Variants in ABT1 observed in about 807,000 individuals in gnomAD.
ABT1 encodes activator of basal transcription 1.
In ABT1, 13 loss-of-function variants were observed where a neutral mutation model predicts 14.0. That is an observed-to-expected ratio of 0.93 (90% CI 0.61 to 1.48). ABT1 has a LOEUF of 1.48. ABT1 is among the 40% of genes most tolerant of loss of function. The pLI is 0.00. For synonymous variants in ABT1, 165 were observed against 144.6 expected, an observed-to-expected ratio of 1.14 and a Z score of -1.01; for missense variants, 430 against 380.0, an observed-to-expected ratio of 1.13 and a Z score of -1.09.
Position 26,598,561 on chromosome 6 carries a change from C to T in ABT1, c.735C>T (p.Ser245=). Residue 245 remains serine (S), a synonymous_variant, in exon 3 of 3, where the codon TCC becomes TCT. Coordinates refer to ENST00000274849, the MANE Select transcript of ABT1 (RefSeq NM_013375.4). ...CAACTGCCCAGGACAAGGCCCGCTCCAACAAAGGGCTCCTGGCCAGGATCT... is the reference window on the plus strand; with the variant it reads ...CAACTGCCCAGGACAAGGCCCGCTCTAACAAAGGGCTCCTGGCCAGGATCT... ...RLATAQDKAR[S]NKGLLARIFG... 6.2e-7 allele frequency: 1 copy of T among 1,609,354 alleles called. No homozygotes were observed.
Position 26,597,169 on chromosome 6 carries a change from C to T in ABT1, c.187C>T (p.Arg63Cys). ...GCCGCGCTTCCGGCCCCTGCACGTC[C>T]GCAACCTTCTCAGCGCCTATGGCGA... ...IPPRFRPLHV[R>C]NLLSAYGEVG... Residue 63 changes from arginine to cysteine, a missense_variant, in exon 1 of 3, where the codon CGC (arginine) becomes TGC (cysteine). Physicochemically the swap from Arg to Cys is radical, Grantham distance 180. Coordinates refer to ENST00000274849, the MANE Select transcript of ABT1 (RefSeq NM_013375.4). The T allele has an allele frequency of 6.2e-7, 1 of 1,614,260 alleles. No individual in the cohort carries two copies. The highest frequency in any genetic ancestry group is 8.5e-7 in the Non-Finnish European group (1 of 1,180,054).
At chr6:26,597,309 G>T in intron 1 of ABT1, 86 bp downstream of exon 1, 1 of 1,553,474 alleles carries the variant, frequency 6.4e-7, no homozygotes, top group South Asian at 1.2e-5. Context: ...GCTTCGCTGC[G>T]CGAGGCTGAG....
At chr6:26,597,485 C>T (rs1197302513) in intron 1 of ABT1, among the ~76,000 whole-genome samples, 1 of 152,154 alleles carries the variant, frequency 6.6e-6, no homozygotes, top group Non-Finnish European at 1.5e-5. Flanking sequence ...TATTTGTGTT[C>T]TTATCCCGGC....
chr6:26,597,947 C>G lies in ABT1; in HGVS notation c.275C>G (p.Ala92Gly), dbSNP rs374428829. The G allele has an allele frequency of 1.9e-6, 3 of 1,613,222 alleles. No homozygotes were observed. Among genetic ancestry groups the G allele is most frequent in the African/African-American group, 2.7e-5 (2 of 74,908 alleles). The change falls in exon 2 of 3, where the codon GCA (alanine) becomes GGA (glycine). Residue 92 changes from alanine to glycine, a missense_variant. Physicochemically the swap from Ala to Gly is moderately conservative, Grantham distance 60. Coordinates refer to ENST00000274849, the MANE Select transcript of ABT1 (RefSeq NM_013375.4). ...GTGAGACGCAAGAAGAAGGCAGCAG[C>G]AGCTGCCGGAGGAAAAAAGCGGTCC... ...RFVRRKKKAAAAAGGKKRSYT... is the reference protein window; with the variant it reads ...RFVRRKKKAAGAAGGKKRSYT...
chr6:26,597,308 C>A, intron 1 of ABT1, 85 bp downstream of exon 1: 2 of 1,546,044 alleles, frequency 1.3e-6, no homozygotes, highest in Non-Finnish European at 1.7e-6. Flanking sequence ...TGCTTCGCTG[C>A]GCGAGGCTGA....
rs1296916378 is a variant in ABT1, at chr6:26,598,390, T to C, written c.564T>C (p.Ser188=). ...GTGAGACCGACTTCTATCTTCAAAGTGTGGAACGGGGACAACGCTTTCTTG... is the reference window on the plus strand; with the variant it reads ...GTGAGACCGACTTCTATCTTCAAAGCGTGGAACGGGGACAACGCTTTCTTG... The part of the protein sequence containing the change: ...AKRETDFYLQ[S]VERGQRFLAA... The change falls in exon 3 of 3, where the codon AGT becomes AGC. Residue 188 remains serine (S), a synonymous_variant. Transcript: ENST00000274849. 1 of 1,614,252 alleles carries C rather than the reference T, an allele frequency of 6.2e-7. No homozygotes were observed. Among genetic ancestry groups the C allele is most frequent in the East Asian group, 2.2e-5 (1 of 44,882 alleles).
rs1035762029 is a variant in ABT1, at chr6:26,598,621, A to T, written c.795A>T (p.Gly265=). The T allele has an allele frequency of 1.3e-5, 20 of 1,573,798 alleles. No individual in the cohort carries two copies. Among genetic ancestry groups the T allele is most frequent in the African/African-American group, 4.1e-5 (3 of 73,766 alleles). The change falls in exon 3 of 3, where the codon GGA becomes GGT. Residue 265 remains glycine (G), a synonymous_variant. Transcript: ENST00000274849. The part of the protein sequence containing the change: ...GAPPPSESME[G]PSLVRDS ...CGCCACCCTCAGAGAGCATGGAGGGACCTTCCCTTGTCAGGGACTCCTGAG... is the reference window on the plus strand; with the variant it reads ...CGCCACCCTCAGAGAGCATGGAGGGTCCTTCCCTTGTCAGGGACTCCTGAG...
chr6:26,598,320 A>G lies in ABT1; in HGVS notation c.494A>G (p.Gln165Arg), dbSNP rs1764931255. ...HLSEHLAFERQVRRQRLRAEV... is the reference protein window; with the variant it reads ...HLSEHLAFERRVRRQRLRAEV... Reference sequence around the variant, plus strand: ...AGCGAGCACCTCGCCTTTGAGCGCCAGGTGCGCAGGCAGCGCTTGAGAGCG... The same window carrying G: ...AGCGAGCACCTCGCCTTTGAGCGCCGGGTGCGCAGGCAGCGCTTGAGAGCG... Residue 165 changes from glutamine (Q) to arginine (R), a missense_variant, in exon 3 of 3, where the codon CAG (glutamine) becomes CGG (arginine). Transcript: ENST00000274849. 1.2e-6 allele frequency: 2 copies of G among 1,614,244 alleles called. No individual in the cohort carries two copies. Among genetic ancestry groups the G allele is most frequent in the East Asian group, 4.5e-5 (2 of 44,884 alleles).
At chr6:26,597,611 A>T (rs1170746212) in intron 1 of ABT1, among the ~76,000 whole-genome samples, 1 of 152,154 alleles carries the variant, frequency 6.6e-6, no homozygotes, top group African/African-American at 2.4e-5. Context: ...ATTGCTGCCT[A>T]GGTCAAGAAA....
Position 26,598,407 on chromosome 6 carries a change from G to A in ABT1, c.581G>A (p.Arg194His). 1 of 1,614,256 alleles carries A rather than the reference G, an allele frequency of 6.2e-7. No homozygotes were observed. Among genetic ancestry groups the A allele is most frequent in the Non-Finnish European group, 8.5e-7 (1 of 1,180,046 alleles). The change falls in exon 3 of 3, where the codon CGC (arginine) becomes CAC (histidine). Residue 194 changes from arginine (R) to histidine (H), a missense_variant. By Grantham distance (29) the Arg-to-His change is conservative. Transcript: ENST00000274849. ...FYLQSVERGQ[R>H]FLAADGDPAR... The stretch of plus-strand genomic sequence containing the variant: ...CTTCAAAGTGTGGAACGGGGACAAC[G>A]CTTTCTTGCGGCCGATGGGGACCCT...
Position 26,598,641 on chromosome 6 carries a change from C to T in ABT1, c.815C>T (p.Ser272Phe). Residue 272 changes from serine to phenylalanine, a missense_variant, in exon 3 of 3, where the codon TCC (serine) becomes TTC (phenylalanine). Physicochemically the swap from Ser to Phe is radical, Grantham distance 155. Coordinates refer to ENST00000274849, the MANE Select transcript of ABT1 (RefSeq NM_013375.4). ...GAGGGACCTTCCCTTGTCAGGGACT[C>T]CTGAGGGCCTGGGTGGCCCCTTCCA... ...SMEGPSLVRDS is the reference protein window; with the variant it reads ...SMEGPSLVRDF The T allele has an allele frequency of 6.4e-7, 1 of 1,551,034 alleles. No individual in the cohort carries two copies. The highest frequency in any genetic ancestry group is 2.3e-5 in the East Asian group (1 of 44,110).
chr6:26,598,017 G>A lies in ABT1; in HGVS notation c.345G>A (p.Lys115=), dbSNP rs782487582. 8 of 1,614,226 alleles carry A rather than the reference G, an allele frequency of 5.0e-6. No homozygotes were observed. Among genetic ancestry groups the A allele is most frequent in the Non-Finnish European group, 5.9e-6 (7 of 1,180,040 alleles). Residue 115 remains lysine (K), a synonymous_variant, in exon 2 of 3, where the codon AAG becomes AAA. Coordinates refer to ENST00000274849, the MANE Select transcript of ABT1 (RefSeq NM_013375.4). The stretch of plus-strand genomic sequence containing the variant: ...AGGGATGGGTGGAGTTCCGTGACAA[G>A]CGCATAGCCAAGCGCGTGGCGGCCA... The part of the protein sequence containing the change: ...YTEGWVEFRD[K]RIAKRVAASL...
rs1230482183 is a variant in ABT1, at chr6:26,598,622, C to T, written c.796C>T (p.Pro266Ser). 1.9e-6 allele frequency: 3 copies of T among 1,572,976 alleles called. No homozygotes were observed. Among genetic ancestry groups the T allele is most frequent in the African/African-American group, 2.7e-5 (2 of 73,802 alleles). ...GCCACCCTCAGAGAGCATGGAGGGA[C>T]CTTCCCTTGTCAGGGACTCCTGAGG... ...APPPSESMEG[P>S]SLVRDS Residue 266 changes from proline (P) to serine (S), a missense_variant, in exon 3 of 3, where the codon CCT (proline) becomes TCT (serine). Transcript: ENST00000274849.
rs782814898 is a variant in ABT1, at chr6:26,598,596, C to G, written c.770C>G (p.Pro257Arg). Residue 257 changes from proline (P) to arginine (R), a missense_variant, in exon 3 of 3, where the codon CCG becomes CGG. Pro to Arg is a moderately radical substitution (Grantham distance 103). Coordinates refer to ENST00000274849, the MANE Select transcript of ABT1 (RefSeq NM_013375.4). ...CTCCTGGCCAGGATCTTTGGAGCCC[C>G]GCCACCCTCAGAGAGCATGGAGGGA... The part of the protein sequence containing the change: ...KGLLARIFGA[P>R]PPSESMEGPS... The G allele has an allele frequency of 6.3e-7, 1 of 1,598,136 alleles. No individual in the cohort carries two copies. Among genetic ancestry groups the G allele is most frequent in the Non-Finnish European group, 8.6e-7 (1 of 1,168,560 alleles).
Position 26,598,268 on chromosome 6 carries a change from T to A in ABT1, c.442T>A (p.Leu148Met). 2 of 1,612,174 alleles carry A rather than the reference T, an allele frequency of 1.2e-6. No homozygotes were observed. The highest frequency in any genetic ancestry group is 1.7e-6 in the Non-Finnish European group (2 of 1,178,356). Residue 148 changes from leucine (L) to methionine (M), a missense_variant, in exon 3 of 3, where the codon TTG becomes ATG. Leu to Met is a conservative substitution (Grantham distance 15). Coordinates refer to ENST00000274849, the MANE Select transcript of ABT1 (RefSeq NM_013375.4). ...FRYDLWNLKYLHRFTWSHLSE... is the reference protein window; with the variant it reads ...FRYDLWNLKYMHRFTWSHLSE... ...TTTTCTTCTTTTCTGCCCACAGTACTTGCACCGTTTCACCTGGTCCCACCT... is the reference window on the plus strand; with the variant it reads ...TTTTCTTCTTTTCTGCCCACAGTACATGCACCGTTTCACCTGGTCCCACCT...
rs905049803 is a variant in ABT1 at position 26,599,562 on chromosome 6, A to G, written c.*917A>G. On this transcript the variant is annotated 3_prime_UTR_variant, in exon 3 of 3. Transcript: ENST00000274849. The stretch of plus-strand genomic sequence containing the variant: ...TCACCAAGTTTTCCAGATCATTCCT[A>G]CAAAGTAAACTGGGAGAATAATAAG... The G allele has an allele frequency of 6.6e-6, 1 of 152,222 alleles. No homozygotes were observed. The highest frequency in any genetic ancestry group is 1.5e-5 in the Non-Finnish European group (1 of 68,048). The allele number at this position is 152,222 out of a possible 1,614,324, so 9.4% of individuals were successfully genotyped here. A position where few individuals can be genotyped will look rare whatever the true frequency, so the allele number is the denominator to read the frequency against.
At chr6:26,597,366 C>T in intron 1 of ABT1, 143 bp downstream of exon 1, 5 of 906,024 alleles carry the variant, frequency 5.5e-6, no homozygotes, top group Non-Finnish European at 7.6e-6. Context: ...TGCTTGGCTC[C>T]TGGCTGGTGA....
rs1561909703 is a variant in ABT1 at position 26,597,085 on chromosome 6, GCGGCCTGTGGCAGCAAGAAA to G, written c.107_126del (p.Ala36GlyfsTer38). On this transcript the variant is annotated frameshift_variant, in exon 1 of 3. Coordinates refer to ENST00000274849, the MANE Select transcript of ABT1 (RefSeq NM_013375.4). LOFTEE classifies it high-confidence loss of function. ...GGAGGAGCAGGAGGAATCCGAAGAA[GCGGCCTGTGGCAGCAAGAAA>G]CGGGTAGTGCCAGGTATTGTGTACC... is the stretch of plus-strand genomic sequence containing the variant. The G allele has an allele frequency of 3.1e-6, 5 of 1,613,984 alleles. No homozygotes were observed. Among genetic ancestry groups the G allele is most frequent in the Non-Finnish European group, 4.2e-6 (5 of 1,180,030 alleles).
rs886629572 is a variant in ABT1, at chr6:26,600,440, C to G, written c.*1795C>G. 6.6e-6 allele frequency: 1 copy of G among 152,196 alleles called. No individual in the cohort carries two copies. The allele number at this position is 152,196 out of a possible 1,614,324, so 9.4% of individuals were successfully genotyped here. On this transcript the variant is annotated 3_prime_UTR_variant, in exon 3 of 3. Transcript: ENST00000274849. ...GGACAGCGTTAGATAACAGTATGTTCAAGGGCTGGTATTTCAGGGTCCATC... is the reference window on the plus strand; with the variant it reads ...GGACAGCGTTAGATAACAGTATGTTGAAGGGCTGGTATTTCAGGGTCCATC...
Sources: gnomAD v4.1 joint callset for allele counts (sites outside exome capture counted in the v4.1 genomes callset) on GRCh38, gnomAD v4.1.1 for gene constraint, MANE v1.5 for transcripts, NCBI Gene and HGNC (gene_info 2026-07-23, HGNC 2026-07-21) for gene names.